The following BTBD9 variants were observed in gnomAD, a reference collection of about 807,000 sequenced individuals.
BTBD9 encodes BTB domain containing 9, also known as BTB/POZ domain-containing protein 9.
BTBD9 carries 49 observed loss-of-function variants against 64.3 expected under a neutral mutation model. The observed-to-expected ratio is 0.76, with a 90% CI of 0.61 to 0.97. The LOEUF (loss-of-function observed/expected upper bound fraction) is 0.97. Among genes scored for constraint, BTBD9 ranks in the 50% least tolerant of loss-of-function variants. BTBD9 has a pLI of 0.00. For missense variants in BTBD9, 598 were observed against 762.1 expected (o/e 0.78, Z 2.53); for synonymous variants, 260 against 274.7 (o/e 0.95, Z 0.53).
At chr6:38,459,102 TCTGCCTC>T (rs557893090) in intron 6 of BTBD9, among the ~76,000 whole-genome samples, 28 of 151,956 alleles carry the variant, frequency 1.8e-4, no homozygotes, top group Admixed American at 8.5e-4. Context: ...CACTGCAACC[TCTGCCTC>T]CTGGGTTCAA....
chr6:38,371,782 T>A (rs1421420978), intron 6 of BTBD9, among the ~76,000 whole-genome samples: 1 of 152,180 alleles, frequency 6.6e-6, no homozygotes, highest in Admixed American at 6.5e-5. Context: ...CCAATAAGTA[T>A]GGTGTGACTG....
chr6:38,526,358 G>C (rs1285259370), intron 6 of BTBD9, among the ~76,000 whole-genome samples: 1 of 152,270 alleles, frequency 6.6e-6, no homozygotes, highest in Non-Finnish European at 1.5e-5. Context: ...TTCAGAGGAT[G>C]TATAGAAACA....
intron 8 of BTBD9, among the ~76,000 whole-genome samples, chr6:38,262,089 T>A (rs543701865): frequency 6.6e-6 from 1 of 152,370 alleles, no homozygotes; most frequent in South Asian, 2.1e-4. Flanking sequence ...TTCACTTCTT[T>A]GGCTGCCTGC....
chr6:38,467,313 G>A (rs1189112783), intron 6 of BTBD9, among the ~76,000 whole-genome samples: 1 of 152,170 alleles, frequency 6.6e-6, no homozygotes, highest in East Asian at 1.9e-4. Flanking sequence ...AGCTAAGAGA[G>A]GATGTCTGTC....
At position 38,365,758 on chromosome 6, in the gene BTBD9, CA is replaced by C. The variant is rs34375597; in HGVS notation, c.1155-20666del. Among the ~76,000 whole-genome samples, 416 of 115,816 alleles carry C rather than the reference CA, an allele frequency of 3.6e-3. 3 individuals carry two copies. Among genetic ancestry groups the C allele is most frequent in the East Asian group, 0.012 (52 of 4,248 alleles). 76.0% of individuals were successfully genotyped at this position (115,816 alleles called of 152,430 possible). ...TGGGCAACAGAGCAAGATCCTGACTCAAAAAAAAAAAAAAAAACATACTGAA... is the reference window on the plus strand; with the variant it reads ...TGGGCAACAGAGCAAGATCCTGACTCAAAAAAAAAAAAAAAACATACTGAA... On this transcript the variant is annotated intron_variant, in intron 6 of 10. Coordinates refer to ENST00000481247, the MANE Select transcript of BTBD9 (RefSeq NM_001099272.2).
chr6:38,487,128 T>C (rs1036260101), intron 6 of BTBD9, among the ~76,000 whole-genome samples: 7 of 152,194 alleles, frequency 4.6e-5, no homozygotes, highest in African/African-American at 1.7e-4. Context: ...TAAAGAACAA[T>C]TTAAAATAGT....
At chr6:38,211,139 G>C (rs1341378065) in intron 9 of BTBD9, among the ~76,000 whole-genome samples, 1 of 152,202 alleles carries the variant, frequency 6.6e-6, no homozygotes, top group Non-Finnish European at 1.5e-5. Flanking sequence ...ATAAGAAATG[G>C]GTTCATAAGG....
rs1052341938 is a variant in BTBD9 at position 38,174,793 on chromosome 6, A to G, written c.*192T>C. 1 of 650,742 alleles carries G rather than the reference A, an allele frequency of 1.5e-6. No individual in the cohort carries two copies. Among genetic ancestry groups the G allele is most frequent in the African/African-American group, 1.8e-5 (1 of 55,082 alleles). The allele number at this position is 650,742 out of a possible 1,614,324, so 40.3% of individuals were successfully genotyped here. A position where few individuals can be genotyped will look rare whatever the true frequency, so the allele number is the denominator to read the frequency against. On this transcript the variant is annotated 3_prime_UTR_variant, in exon 11 of 11. Coordinates refer to ENST00000481247, the MANE Select transcript of BTBD9 (RefSeq NM_001099272.2). ...CTTGAGACCTGCCTGATTTGGATAA[A>G]TTGAGAAGAACAAAGCAGCCCCTTT...
chr6:38,556,575 G>C (rs932087630), intron 6 of BTBD9, among the ~76,000 whole-genome samples: 1 of 139,598 alleles, frequency 7.2e-6, no homozygotes, highest in African/African-American at 2.7e-5. Context: ...GAGAGAGAGA[G>C]ATTTGATCAC....
chr6:38,291,088 T>C (rs1266734375), intron 7 of BTBD9, among the ~76,000 whole-genome samples: 1 of 152,218 alleles, frequency 6.6e-6, no homozygotes, highest in African/African-American at 2.4e-5. Context: ...GAGATTTCTA[T>C]GTATGTGGAA....
chr6:38,374,860 A>C (rs954056707), intron 6 of BTBD9, among the ~76,000 whole-genome samples: 1 of 152,188 alleles, frequency 6.6e-6, no homozygotes, highest in Non-Finnish European at 1.5e-5. Flanking sequence ...AATTGGAGTC[A>C]GAGTTGGCAG....
At chr6:38,355,063 T>C (rs1764665420) in intron 6 of BTBD9, among the ~76,000 whole-genome samples, 1 of 152,172 alleles carries the variant, frequency 6.6e-6, no homozygotes, top group Admixed American at 6.5e-5. Flanking sequence ...TATACTCCAG[T>C]TTCCAAATAG....
At chr6:38,186,485 C>T (rs913059298) in intron 10 of BTBD9, among the ~76,000 whole-genome samples, 1 of 152,152 alleles carries the variant, frequency 6.6e-6, no homozygotes, top group Admixed American at 6.5e-5. Flanking sequence ...TGGAATGCCA[C>T]GGCCTCTTGA....
chr6:38,494,758 C>A (rs1337012075), intron 6 of BTBD9, among the ~76,000 whole-genome samples: 2 of 152,210 alleles, frequency 1.3e-5, no homozygotes, highest in African/African-American at 4.8e-5. Context: ...AAAGATAACC[C>A]TTTGGTTACC....
Position 38,527,112 on chromosome 6 carries a change from TA to T in BTBD9, c.1154+50487del, listed in dbSNP as rs556388854. Reference sequence around the variant, plus strand: ...CAACATAGTGAAACCCCATCTCTACTAAAAACACAAAAAATTAGCTGGGCAT... The same window carrying T: ...CAACATAGTGAAACCCCATCTCTACTAAAACACAAAAAATTAGCTGGGCAT... On this transcript the variant is annotated intron_variant, in intron 6 of 10. Coordinates refer to ENST00000481247, the MANE Select transcript of BTBD9 (RefSeq NM_001099272.2). Among the ~76,000 whole-genome samples the T allele has an allele frequency of 1.1e-3, 165 of 151,312 alleles. 1 individual carries two copies. The highest frequency in any genetic ancestry group is 1.1e-3 in the Non-Finnish European group (78 of 67,854).
rs62397054 is a variant in BTBD9, at chr6:38,438,873, G to A, written c.1155-93780C>T. ...CTTACTAAGGCCTTACTGAGAAAAC[G>A]GAATAGAAGTGGAGGCCTGAAGGGA... On this transcript the variant is annotated intron_variant, in intron 6 of 10. Transcript: ENST00000481247. Among the ~76,000 whole-genome samples the A allele has an allele frequency of 8.6e-3, 1,311 of 152,252 alleles. 13 individuals carry two copies. Among genetic ancestry groups the A allele is most frequent in the Non-Finnish European group, 0.015 (1,014 of 68,012 alleles).
rs1468657357 is a variant in BTBD9 at position 38,174,814 on chromosome 6, C to G, written c.*171G>C. ...ATAAATTGAGAAGAACAAAGCAGCC[C>G]CTTTCTGTCCTTGGGAGAAAACCTG... is the stretch of plus-strand genomic sequence containing the variant. On this transcript the variant is annotated 3_prime_UTR_variant, in exon 11 of 11. Coordinates refer to ENST00000481247, the MANE Select transcript of BTBD9 (RefSeq NM_001099272.2). 8.0e-6 allele frequency: 6 copies of G among 753,514 alleles called. No individual in the cohort carries two copies. The highest frequency in any genetic ancestry group is 1.3e-5 in the Non-Finnish European group (6 of 461,634). The allele number at this position is 753,514 out of a possible 1,614,324, so 46.7% of individuals were successfully genotyped here. A position where few individuals can be genotyped will look rare whatever the true frequency, so the allele number is the denominator to read the frequency against.
chr6:38,453,043 A>AG (rs1366375431), intron 6 of BTBD9, among the ~76,000 whole-genome samples: 2 of 152,184 alleles, frequency 1.3e-5, no homozygotes, highest in African/African-American at 4.8e-5. Context: ...AATAGCTAAT[A>AG]GGTCTCATCT....
chr6:38,612,622 G>C (rs948421559), intron 1 of BTBD9, among the ~76,000 whole-genome samples: 2 of 152,160 alleles, frequency 1.3e-5, no homozygotes, highest in African/African-American at 2.4e-5. Flanking sequence ...TTAAGGAATG[G>C]GGTATTATGG....
Sources: allele counts gnomAD v4.1 joint callset (sites outside exome capture counted in the v4.1 genomes callset), GRCh38; gene constraint gnomAD v4.1.1; transcripts MANE v1.5; gene names NCBI Gene and HGNC (gene_info 2026-07-23, HGNC 2026-07-21).